The following CUX1 variants were observed in gnomAD, a reference collection of about 807,000 sequenced individuals.
CUX1 encodes the protein cut like homeobox 1, also known as protein CASP.
Under a neutral mutation model 158.8 loss-of-function variants are expected in CUX1, and 31 were observed. The ratio of observed to expected loss-of-function variants is 0.20; its 90% CI spans 0.15 to 0.26. The LOEUF (loss-of-function observed/expected upper bound fraction) is 0.26, where lower values mean the gene tolerates loss of function less well. Ranked by LOEUF, CUX1 falls within the 10% of genes least tolerant of loss-of-function variation. The probability of loss-of-function intolerance (pLI) is 1.00; values close to 1 mark genes in which losing one functional copy is unlikely to be tolerated. For missense variants in CUX1, 1,589 were observed against 2,014.6 expected, an observed-to-expected ratio of 0.79 and a Z score of 4.04; for synonymous variants, 879 against 862.1, an observed-to-expected ratio of 1.02 and a Z score of -0.34.
At chr7:102,258,951 G>A (rs577532034), downstream of CUX1, among the ~76,000 whole-genome samples, 48 of 152,302 alleles carry the variant, frequency 3.2e-4, no homozygotes, top group South Asian at 8.9e-3. Flanking sequence ...AGGCTTCTCC[G>A]CGCAGTTGTG....
chr7:102,262,684 G>C (rs1182623657), downstream of CUX1, among the ~76,000 whole-genome samples: 2 of 152,208 alleles, frequency 1.3e-5, no homozygotes, highest in African/African-American at 4.8e-5. Context: ...AGCCGTGGTA[G>C]ATGCTTACAT....
intron 12 of CUX1, among the ~76,000 whole-genome samples, chr7:102,191,720 TC>T (rs1794296930): frequency 6.6e-6 from 1 of 151,972 alleles, no homozygotes; most frequent in Admixed American, 6.6e-5. Context: ...GTTGTCTTCT[TC>T]TTTCTTCCTC....
At chr7:102,011,334 C>G (rs1817987463) in intron 2 of CUX1, among the ~76,000 whole-genome samples, 1 of 152,012 alleles carries the variant, frequency 6.6e-6, no homozygotes, top group Non-Finnish European at 1.5e-5. Flanking sequence ...GCAGGAGCTG[C>G]TCAGCCCCTA....
At chr7:102,144,828 CTG>C (rs1278036091) in intron 8 of CUX1, among the ~76,000 whole-genome samples, 1 of 152,072 alleles carries the variant, frequency 6.6e-6, no homozygotes, top group African/African-American at 2.4e-5. Flanking sequence ...TGGCTCACGT[CTG>C]TAATCCCAGC....
chr7:102,116,781 C>T (rs1426712557), intron 8 of CUX1, among the ~76,000 whole-genome samples: 2 of 152,192 alleles, frequency 1.3e-5, no homozygotes, highest in Non-Finnish European at 2.9e-5. Context: ...CACCTGCCCT[C>T]TGAAGTAAGA....
At chr7:102,045,552 G>A (rs392438) in intron 3 of CUX1, among the ~76,000 whole-genome samples, 64,992 of 150,852 alleles carry the variant, frequency 0.43, 8,737 homozygotes, top group East Asian at 0.63. Context: ...AGAAATAAAT[G>A]CTTGTGATAT....
chr7:102,052,676 A>G (rs956235542), intron 3 of CUX1, among the ~76,000 whole-genome samples: 2 of 152,198 alleles, frequency 1.3e-5, no homozygotes, highest in Non-Finnish European at 2.9e-5. Context: ...TTGCTGAGTA[A>G]TAGGGTAACT....
chr7:101,893,372 T>C (rs1801107908), intron 1 of CUX1, among the ~76,000 whole-genome samples: 1 of 152,092 alleles, frequency 6.6e-6, no homozygotes, highest in South Asian at 2.1e-4. Context: ...CAGGATTCCT[T>C]TTAAAATTTT....
At chr7:102,151,727 CAAAAAAAAAAAAAAAAA>C (rs1159017025) in intron 8 of CUX1, among the ~76,000 whole-genome samples, 613 of 38,918 alleles carry the variant, frequency 0.016, 12 homozygotes, top group African/African-American at 0.049. Context: ...GACTCTGTCT[CAAAAAAAAAAAAAAAAA>C]AAAAAAAAAA....
chr7:101,899,405 AGC>A (rs1801902518), intron 1 of CUX1, among the ~76,000 whole-genome samples: 1 of 152,142 alleles, frequency 6.6e-6, no homozygotes, highest in Admixed American at 6.5e-5. Flanking sequence ...AAAAAAAATT[AGC>A]CAGGTGTGGT....
At chr7:101,821,677 T>TC (rs1412914127) in intron 1 of CUX1, among the ~76,000 whole-genome samples, 11 of 98,528 alleles carry the variant, frequency 1.1e-4, no homozygotes, top group East Asian at 5.3e-4. Context: ...TTTTCTTTTT[T>TC]TTTTTTTTTT....
At chr7:102,077,814 T>C (rs1205191960) in intron 4 of CUX1, among the ~76,000 whole-genome samples, 1 of 152,030 alleles carries the variant, frequency 6.6e-6, no homozygotes, top group African/African-American at 2.4e-5. Context: ...TATGACAGTA[T>C]GCATAATTCG....
chr7:102,123,847 G>C (rs1832330215), intron 8 of CUX1, among the ~76,000 whole-genome samples: 1 of 151,908 alleles, frequency 6.6e-6, no homozygotes, highest in South Asian at 2.1e-4. Flanking sequence ...ATTTTTAGTA[G>C]AGATGGGGGT....
chr7:102,206,666 G>A (rs2132090520), intron 20 of CUX1, among the ~76,000 whole-genome samples: 1 of 152,314 alleles, frequency 6.6e-6, no homozygotes, highest in South Asian at 2.1e-4. Context: ...GGAGGCCGAG[G>A]TGGGTGCATC....
At chr7:102,193,767 A>C in intron 12 of CUX1, 75 bp from the exon 13 acceptor site, 1 of 1,493,324 alleles carries the variant, frequency 6.7e-7, no homozygotes, top group African/African-American at 1.4e-5. Context: ...GCGCCACTGC[A>C]CTCTAGCCTG....
intron 23 of CUX1, among the ~76,000 whole-genome samples, chr7:102,245,419 T>C (rs907960729): frequency 3.2e-4 from 48 of 152,198 alleles, no homozygotes; most frequent in African/African-American, 1.1e-3. Context: ...GCTGGCCCCA[T>C]TTTACAGGCA....
At chr7:102,130,185 G>T (rs1384682970) in intron 8 of CUX1, among the ~76,000 whole-genome samples, 3 of 152,096 alleles carry the variant, frequency 2.0e-5, no homozygotes, top group Non-Finnish European at 4.4e-5. Context: ...TCTAAGGCAA[G>T]CCTGCAATAT....
intron 20 of CUX1, chr7:102,281,823 C>T (rs1792090354): frequency 3.8e-6 from 6 of 1,590,046 alleles, no homozygotes; most frequent in Non-Finnish European, 5.2e-6. Flanking sequence ...CCCCACTCAC[C>T]CCCTCCTTGC....
Position 101,951,523 on chromosome 7 carries a change from C to T in CUX1, c.141+35298C>T, listed in dbSNP as rs796871463. Among the ~76,000 whole-genome samples, 1,061 of 145,746 alleles carry T rather than the reference C, an allele frequency of 7.3e-3. 15 individuals are homozygous for T. Among genetic ancestry groups the T allele is most frequent in the African/African-American group, 0.025 (994 of 39,782 alleles). ...CAAGTCTTTTTCCTTTTTTTTTTTT[C>T]TGGAGACAGTCTCGCTCTGTTGCCC... On this transcript the variant is annotated intron_variant, in intron 2 of 23. Transcript: ENST00000292535.
Sources: gnomAD v4.1 joint callset for allele counts (sites outside exome capture counted in the v4.1 genomes callset) on GRCh38, gnomAD v4.1.1 for gene constraint, MANE v1.5 for transcripts, NCBI Gene and HGNC (gene_info 2026-07-23, HGNC 2026-07-21) for gene names.